Variants in ATXN2 observed in about 807,000 individuals in gnomAD.
ATXN2 encodes the protein ataxin-2.
In ATXN2, 37 loss-of-function variants were observed where a neutral mutation model predicts 138.6. The observed-to-expected ratio is 0.27, with a 90% CI of 0.21 to 0.35. The LOEUF is 0.35. Ranked by LOEUF, ATXN2 falls within the 10% of genes least tolerant of loss-of-function variation. ATXN2 has a pLI of 1.00. For synonymous variants in ATXN2, 549 were observed against 543.7 expected (o/e 1.01, Z -0.13); for missense variants, 1,216 against 1,480.3 (o/e 0.82, Z 2.93).
At chr12:111,479,473 T>C (rs534798814) in intron 18 of ATXN2, among the ~76,000 whole-genome samples, 1 of 150,474 alleles carries the variant, frequency 6.6e-6, no homozygotes, top group East Asian at 2.0e-4. Context: ...TCCCAGCTAC[T>C]TGGGAGGCTG....
intron 1 of ATXN2, among the ~76,000 whole-genome samples, chr12:111,563,934 T>C (rs897844250): frequency 2.0e-5 from 3 of 152,204 alleles, no homozygotes; most frequent in African/African-American, 4.8e-5. Context: ...TACTAGTGTA[T>C]CTGTCATATA....
At chr12:111,492,790 A>C (rs1323845310) in intron 14 of ATXN2, among the ~76,000 whole-genome samples, 1 of 152,172 alleles carries the variant, frequency 6.6e-6, no homozygotes, top group East Asian at 1.9e-4. Context: ...ACAAGCATCA[A>C]GGCCATCTGA....
At chr12:111,460,365 C>T (rs564828126) in intron 21 of ATXN2, among the ~76,000 whole-genome samples, 48 of 152,334 alleles carry the variant, frequency 3.2e-4, no homozygotes, top group South Asian at 1.2e-3. Context: ...TGAGCCACCG[C>T]GCCCAGCCAC....
At chr12:111,454,965 T>C in intron 23 of ATXN2, 3 of 687,112 alleles carry the variant, frequency 4.4e-6, no homozygotes, top group Non-Finnish European at 8.0e-6. Flanking sequence ...GCAAATCAAC[T>C]GCAGTGCGCT....
At chr12:111,455,121 T>A (rs1874975487) in intron 23 of ATXN2, 1 of 702,868 alleles carries the variant, frequency 1.4e-6, no homozygotes, top group Non-Finnish European at 2.6e-6. Context: ...ACTGGCGCAC[T>A]ATTTAACAGG....
chr12:111,456,892 C>T (rs1273603196), intron 22 of ATXN2, among the ~76,000 whole-genome samples: 5 of 152,010 alleles, frequency 3.3e-5, no homozygotes, highest in East Asian at 3.9e-4. Flanking sequence ...GGACTACAGG[C>T]GCCCACCACC....
At chr12:111,518,496 G>T in intron 8 of ATXN2, 69 bp from the exon 9 acceptor site, 1 of 1,460,172 alleles carries the variant, frequency 6.8e-7, no homozygotes, top group Middle Eastern at 1.9e-4. Context: ...ATATCTAAAA[G>T]TCATCTAGAC....
In ATXN2 at chr12:111,464,698, A is replaced by G. The variant is rs1875869016; in HGVS notation, c.2860T>C (p.Tyr954His). The change falls in exon 21 of 25, where the codon TAC becomes CAC. Residue 954 changes from tyrosine to histidine, a missense_variant. Physicochemically the swap from Tyr to His is moderately conservative, Grantham distance 83 (BLOSUM62 2). This residue lies in a region of ATXN2 where 490 missense variants were observed against 653.5 expected (regional missense o/e 0.75). Coordinates refer to ENST00000673436, the MANE Select transcript of ATXN2 (RefSeq NM_001372574.1). ...HAMYACPKLP[Y>H]NKETSPSFYF... Reference sequence around the variant, plus strand: ...AAAGAAGGGCTTGTCTCCTTGTTGTATGGTAATTTGGGACATGCTGAATTT... The same window carrying G: ...AAAGAAGGGCTTGTCTCCTTGTTGTGTGGTAATTTGGGACATGCTGAATTT... 1.2e-6 allele frequency: 2 copies of G among 1,611,296 alleles called. No individual in the cohort carries two copies. Among genetic ancestry groups the G allele is most frequent in the Non-Finnish European group, 1.7e-6 (2 of 1,178,030 alleles).
chr12:111,552,768 C>A lies in ATXN2; in HGVS notation c.420+138G>T. 1 of 626,768 alleles carries A rather than the reference C, an allele frequency of 1.6e-6. No individual in the cohort carries two copies. The highest frequency in any genetic ancestry group is 2.6e-6 in the Non-Finnish European group (1 of 379,132). 38.8% of individuals were successfully genotyped at this position (626,768 alleles called of 1,614,324 possible). A position where few individuals can be genotyped will look rare whatever the true frequency, so the allele number is the denominator to read the frequency against. On this transcript the variant is annotated intron_variant, in intron 4 of 24. Transcript: ENST00000673436. The surrounding 1 kb of genome is among the most constrained non-coding windows in gnomAD (Gnocchi z 4.1). ...ACACATCAAGAAGCCTCTCTGATTA[C>A]ACAAACCAGTCTATAAAATAATCAG...
chr12:111,592,109 C>T lies in ATXN2; in HGVS notation c.251+6675G>A, dbSNP rs1266007842. 3.4e-5 allele frequency among the ~76,000 whole-genome samples: 5 copies of T among 145,418 alleles called. No homozygotes were observed. The East Asian group carries it at 1.0e-3, about 30-fold the overall frequency. On this transcript the variant is annotated intron_variant, in intron 1 of 24. Transcript: ENST00000673436. ...AAAAAAAACACCTTAGCTCATGAGGCTGGGCGGGGGTGGCTCACGCCTGTA... is the reference window on the plus strand; with the variant it reads ...AAAAAAAACACCTTAGCTCATGAGGTTGGGCGGGGGTGGCTCACGCCTGTA...
chr12:111,568,679 T>G (rs1682250710), intron 1 of ATXN2, among the ~76,000 whole-genome samples: 1 of 152,170 alleles, frequency 6.6e-6, no homozygotes, highest in Non-Finnish European at 1.5e-5. Flanking sequence ...AGAAGCCTTC[T>G]CAAACTACCC....
intron 5 of ATXN2, among the ~76,000 whole-genome samples, chr12:111,544,815 G>A (rs1881714248): frequency 6.6e-6 from 1 of 152,186 alleles, no homozygotes; most frequent in South Asian, 2.1e-4. Context: ...GCAGTTAGAG[G>A]TTAATCGTAG....
chr12:111,547,272 T>C (rs1345413473), intron 5 of ATXN2, among the ~76,000 whole-genome samples: 1 of 151,822 alleles, frequency 6.6e-6, no homozygotes, highest in Non-Finnish European at 1.5e-5. Flanking sequence ...ACTAAAAATA[T>C]AAAAATTAGC....
Position 111,552,128 on chromosome 12 carries a change from G to A in ATXN2, c.571+152C>T, listed in dbSNP as rs1264213094. ...ACTCCTGACCTCAGGTGATCCACCC[G>A]CCTCAGCCTCCCTAAGTGCTAAGAT... On this transcript the variant is annotated intron_variant, in intron 5 of 24. Coordinates refer to ENST00000673436, the MANE Select transcript of ATXN2 (RefSeq NM_001372574.1). The surrounding 1 kb of genome is among the most constrained non-coding windows in gnomAD (Gnocchi z 4.1). 8.1e-6 allele frequency: 6 copies of A among 742,768 alleles called. No individual in the cohort carries two copies. The highest frequency in any genetic ancestry group is 3.3e-5 in the East Asian group (1 of 30,416). 46.0% of individuals were successfully genotyped at this position (742,768 alleles called of 1,614,324 possible).
At chr12:111,537,972 A>C (rs1881286095) in intron 5 of ATXN2, among the ~76,000 whole-genome samples, 5 of 152,008 alleles carry the variant, frequency 3.3e-5, no homozygotes. Flanking sequence ...GGTGATACAC[A>C]TCTGCAGTCC....
At chr12:111,587,408 A>G (rs745523699) in intron 1 of ATXN2, among the ~76,000 whole-genome samples, 3 of 152,096 alleles carry the variant, frequency 2.0e-5, no homozygotes, top group Non-Finnish European at 4.4e-5. Context: ...ACATGTAATT[A>G]AAGCACTTTG....
intron 1 of ATXN2, among the ~76,000 whole-genome samples, chr12:111,596,472 A>C (rs1309943720): frequency 2.0e-5 from 3 of 152,122 alleles, no homozygotes; most frequent in Non-Finnish European, 4.4e-5. Context: ...AACTTGTCAA[A>C]CCGAATGCTG....
At chr12:111,483,194 TACAC>T (rs59840296) in intron 18 of ATXN2, among the ~76,000 whole-genome samples, 4,397 of 95,342 alleles carry the variant, frequency 0.046, 87 homozygotes, top group Non-Finnish European at 0.054. Context: ...ATCAAACACA[TACAC>T]ACACACACAC....
intron 21 of ATXN2, among the ~76,000 whole-genome samples, chr12:111,461,805 C>A (rs1875604681): frequency 1.3e-5 from 2 of 151,918 alleles, no homozygotes; most frequent in Non-Finnish European, 2.9e-5. Flanking sequence ...CGCCTGTAAT[C>A]CCAGCTACTC....
Sources: allele counts gnomAD v4.1 joint callset (sites outside exome capture counted in the v4.1 genomes callset), GRCh38; gene constraint gnomAD v4.1.1; regional missense constraint gnomAD v4.1.1; non-coding constraint Gnocchi (gnomAD v3.1); transcripts MANE v1.5; gene names NCBI Gene and HGNC (gene_info 2026-07-23, HGNC 2026-07-21).